Variants in RBFOX1 observed in about 807,000 individuals in gnomAD.
RBFOX1 encodes RNA binding protein fox-1 homolog 1.
Under a neutral mutation model 57.7 loss-of-function variants are expected in RBFOX1, and 8 were observed. That is an observed-to-expected ratio of 0.14 (90% CI 0.08 to 0.25). The LOEUF (loss-of-function observed/expected upper bound fraction) is 0.25. RBFOX1 is among the 10% of genes least tolerant of loss of function. The probability of loss-of-function intolerance (pLI) is 1.00; values close to 1 mark genes in which losing one functional copy is unlikely to be tolerated. For missense variants in RBFOX1, 611 were observed against 548.5 expected (o/e 1.11, Z -1.14); for synonymous variants, 326 against 222.4 (o/e 1.47, Z -4.15).
At chr16:6,608,979 G>A (rs2097993543) in intron 2 of RBFOX1, among the ~76,000 whole-genome samples, 1 of 152,116 alleles carries the variant, frequency 6.6e-6, no homozygotes, top group African/African-American at 2.4e-5. Flanking sequence ...AGCCAGCCAT[G>A]GCCAGGCAAG....
At chr16:6,835,804 A>T (rs942177613) in intron 3 of RBFOX1, among the ~76,000 whole-genome samples, 1 of 150,472 alleles carries the variant, frequency 6.6e-6, no homozygotes, top group Non-Finnish European at 1.5e-5. Context: ...TGTAGCTCTA[A>T]ATCGGTGTCC....
intron 14 of RBFOX1, among the ~76,000 whole-genome samples, chr16:7,704,995 G>C (rs1369624286): frequency 1.4e-5 from 2 of 147,068 alleles, no homozygotes; most frequent in Middle Eastern, 3.4e-3. Context: ...AGTGAGCCGA[G>C]ATCATGTCAC....
intron 4 of RBFOX1, among the ~76,000 whole-genome samples, chr16:7,180,067 C>A (rs548199753): frequency 1.3e-5 from 2 of 152,178 alleles, no homozygotes; most frequent in South Asian, 4.1e-4. Context: ...TGAACAGAGC[C>A]TGCTTTTCTC....
chr16:5,867,308 G>A (rs2057365925), exon 4 of RBFOX1: 3 of 1,208,918 alleles, frequency 2.5e-6, no homozygotes, highest in South Asian at 8.4e-5. Context: ...TGCAGGTTTC[G>A]GCAAGTCAGG....
At position 7,474,155 on chromosome 16, in the gene RBFOX1, C is replaced by T. The variant is rs868273831; in HGVS notation, c.28-43992C>T. On this transcript the variant is annotated intron_variant, in intron 4 of 15. Transcript: ENST00000550418. ...TACAAAAATTAGCCAGGCATGGTGG[C>T]GCATGCCTGTAGTTCCAGCTACTCA... Among the ~76,000 whole-genome samples, 6 of 152,210 alleles carry T rather than the reference C, an allele frequency of 3.9e-5. No homozygotes were observed. In the South Asian group the frequency reaches 1.0e-3, roughly 26 times the overall value.
rs969021759 is a variant in RBFOX1 at position 7,520,165 on chromosome 16, G to A, written c.270+1776G>A. ...CTCCCAAAGTGCTGGGATTACAGGCGTGAGCCACCGCGCCCGGCCTAGTTT... is the reference window on the plus strand; with the variant it reads ...CTCCCAAAGTGCTGGGATTACAGGCATGAGCCACCGCGCCCGGCCTAGTTT... On this transcript the variant is annotated intron_variant, in intron 5 of 15. Coordinates refer to ENST00000550418, the MANE Select transcript of RBFOX1 (RefSeq NM_018723.4). Among the ~76,000 whole-genome samples the A allele has an allele frequency of 3.3e-5, 5 of 152,230 alleles. No individual in the cohort carries two copies. In the East Asian group the frequency reaches 7.7e-4, roughly 24 times the overall value.
intron 4 of RBFOX1, among the ~76,000 whole-genome samples, chr16:7,200,605 C>A (rs1471943493): frequency 1.3e-5 from 2 of 152,126 alleles, no homozygotes; most frequent in Non-Finnish European, 2.9e-5. Context: ...CAGCTGTCTA[C>A]CCAGTATCCC....
At chr16:7,449,651 C>G (rs758818485) in intron 4 of RBFOX1, among the ~76,000 whole-genome samples, 1 of 142,214 alleles carries the variant, frequency 7.0e-6, no homozygotes, top group African/African-American at 2.7e-5. Flanking sequence ...ATGGCTGTTA[C>G]ATAGTAGGTC....
intron 2 of RBFOX1, among the ~76,000 whole-genome samples, chr16:6,632,480 C>G (rs935049214): frequency 6.6e-6 from 1 of 152,164 alleles, no homozygotes; most frequent in African/African-American, 2.4e-5. Flanking sequence ...ATTTCCTTGG[C>G]TAAGTGTCTG....
chr16:6,414,766 A>G (rs925427208), intron 2 of RBFOX1, among the ~76,000 whole-genome samples: 29 of 152,114 alleles, frequency 1.9e-4, no homozygotes, highest in African/African-American at 6.8e-4. Context: ...CCCAGGGTCA[A>G]TTTTACTTTT....
chr16:6,490,086 C>A (rs545612435), intron 2 of RBFOX1, among the ~76,000 whole-genome samples: 6 of 152,162 alleles, frequency 3.9e-5, no homozygotes, highest in Non-Finnish European at 8.8e-5. Flanking sequence ...TCAGCTAATG[C>A]CAGGCTGTTT....
At chr16:7,640,779 C>G (rs572027742) in intron 11 of RBFOX1, among the ~76,000 whole-genome samples, 3 of 152,208 alleles carry the variant, frequency 2.0e-5, no homozygotes, top group Non-Finnish European at 4.4e-5. Context: ...CAAAACTCAC[C>G]CTCATCCGGC....
intron 3 of RBFOX1, among the ~76,000 whole-genome samples, chr16:6,904,305 C>A (rs2069211519): frequency 1.3e-5 from 2 of 152,078 alleles, no homozygotes; most frequent in Admixed American, 6.5e-5. Context: ...GCTTATGAAA[C>A]CCATCCATCT....
rs370249382 is a variant in RBFOX1 at position 7,094,744 on chromosome 16, C to CTGTGTGTGTGTGTGTGTGTG, written c.27+42659_27+42678dup. The stretch of plus-strand genomic sequence containing the variant: ...ACTGAAATAAGGGCAGACTGTACAG[C>CTGTGTGTGTGTGTGTGTGTG]TGTGTGTGTGTGTGTGTGTGTGTGT... On this transcript the variant is annotated intron_variant, in intron 4 of 15. Coordinates refer to ENST00000550418, the MANE Select transcript of RBFOX1 (RefSeq NM_018723.4). Among the ~76,000 whole-genome samples the CTGTGTGTGTGTGTGTGTGTG allele has an allele frequency of 7.9e-4, 110 of 139,428 alleles. 1 individual carries two copies. Among genetic ancestry groups the CTGTGTGTGTGTGTGTGTGTG allele is most frequent in the Middle Eastern group, 3.7e-3 (1 of 272 alleles). 91.5% of individuals were successfully genotyped at this position (139,428 alleles called of 152,430 possible).
chr16:7,619,549 C>T (rs191359674), intron 10 of RBFOX1, among the ~76,000 whole-genome samples: 1 of 152,154 alleles, frequency 6.6e-6, no homozygotes. Flanking sequence ...ATCTCATCCT[C>T]ATTCCACAAA....
chr16:7,012,543 T>C (rs1318034657), intron 3 of RBFOX1, among the ~76,000 whole-genome samples: 1 of 152,162 alleles, frequency 6.6e-6, no homozygotes, highest in Non-Finnish European at 1.5e-5. Context: ...TTGGAACACC[T>C]TATTTCTGGT....
intron 4 of RBFOX1, among the ~76,000 whole-genome samples, chr16:5,918,945 G>A (rs1050419256): frequency 6.6e-6 from 1 of 152,194 alleles, no homozygotes; most frequent in African/African-American, 2.4e-5. Context: ...AAGGAAGGAA[G>A]GTGTTCCACA....
chr16:6,939,826 A>AG (rs1178844650), intron 3 of RBFOX1, among the ~76,000 whole-genome samples: 5 of 152,136 alleles, frequency 3.3e-5, no homozygotes, highest in African/African-American at 1.2e-4. Flanking sequence ...TTTTTCACTA[A>AG]GAGGGTATCA....
chr16:7,025,499 G>A (rs1056208187), intron 3 of RBFOX1, among the ~76,000 whole-genome samples: 2 of 152,152 alleles, frequency 1.3e-5, no homozygotes, highest in South Asian at 2.1e-4. Context: ...GTTGTACCCA[G>A]CCCCTATGGA....
Sources: gnomAD v4.1 joint callset for allele counts (sites outside exome capture counted in the v4.1 genomes callset) on GRCh38, gnomAD v4.1.1 for gene constraint, MANE v1.5 for transcripts, NCBI Gene and HGNC (gene_info 2026-07-23, HGNC 2026-07-21) for gene names.